SLFN5: variants seen among roughly 807,000 people sequenced by gnomAD.
SLFN5 encodes the protein schlafen family member 5.
SLFN5 carries 34 observed loss-of-function variants against 48.5 expected under a neutral mutation model. That is an observed-to-expected ratio of 0.70 (90% CI 0.53 to 0.93). The LOEUF (loss-of-function observed/expected upper bound fraction) is 0.93. SLFN5 is among the 40% of genes least tolerant of loss of function. The pLI, the probability that SLFN5 is intolerant of heterozygous loss-of-function variation, is 0.00. For synonymous variants in SLFN5, 387 were observed against 396.2 expected, an observed-to-expected ratio of 0.98 and a Z score of 0.28; for missense variants, 1,006 against 1,071.3, an observed-to-expected ratio of 0.94 and a Z score of 0.85.
Position 35,265,436 on chromosome 17 carries a change from C to G in SLFN5, c.2224C>G (p.Leu742Val). The change falls in exon 5 of 5, where the codon CTG becomes GTG. Residue 742 changes from leucine to valine, a missense_variant. By Grantham distance (32) the Leu-to-Val change is conservative. Transcript: ENST00000299977. ...TCCACCTAACCTCCCCCCTGGGTCC[C>G]TGGTGATGCTCTATGAACCTAAATG... ...NPPPNLPPGS[L>V]VMLYEPKWAQ... The G allele has an allele frequency of 3.1e-6, 5 of 1,614,224 alleles. No homozygotes were observed. The highest frequency in any genetic ancestry group is 4.2e-6 in the Non-Finnish European group (5 of 1,180,042).
chr17:35,253,690 GTTTT>G (rs57606643), intron 1 of SLFN5, among the ~76,000 whole-genome samples: 1,021 of 76,034 alleles, frequency 0.013, 21 homozygotes, highest in African/African-American at 0.06. Context: ...ATAGCTAACA[GTTTT>G]TTTTTTTTTT....
At chr17:35,257,353 C>T (rs968264635) in intron 1 of SLFN5, among the ~76,000 whole-genome samples, 2 of 152,140 alleles carry the variant, frequency 1.3e-5, no homozygotes, top group Non-Finnish European at 2.9e-5. Context: ...CCTGACATGT[C>T]GAAGACTAGG....
At chr17:35,253,941 G>A (rs572464449) in intron 1 of SLFN5, among the ~76,000 whole-genome samples, 4 of 151,126 alleles carry the variant, frequency 2.6e-5, no homozygotes, top group East Asian at 2.0e-4. Context: ...CAGGTGATCC[G>A]CCCACCTTGT....
chr17:35,260,070 A>G (rs1167464385), intron 2 of SLFN5, among the ~76,000 whole-genome samples: 6 of 152,134 alleles, frequency 3.9e-5, no homozygotes, highest in Non-Finnish European at 8.8e-5. Flanking sequence ...TTTTTTTCAC[A>G]TGTACAGATG....
chr17:35,270,604 C>G lies in SLFN5; in HGVS notation c.*4716C>G, dbSNP rs1167981693. The G allele has an allele frequency of 2.0e-5, 3 of 152,244 alleles. No individual in the cohort carries two copies. The highest frequency in any genetic ancestry group is 4.4e-5 in the Non-Finnish European group (3 of 68,084). 9.4% of individuals were successfully genotyped at this position (152,244 alleles called of 1,614,324 possible). The stretch of plus-strand genomic sequence containing the variant: ...CCAAATTCATTTTGCCCCCAGTTGG[C>G]CAGACCAAAGCCTAGAACTAAAAAA... On this transcript the variant is annotated 3_prime_UTR_variant, in exon 5 of 5. Transcript: ENST00000299977.
rs1374216481 is a variant in SLFN5, at chr17:35,269,906, T to A, written c.*4018T>A. ...GGGAAGTCTGAGTGCTAATATGGATTTCAAAACAACTTTAAAAATGGCTTC... is the reference window on the plus strand; with the variant it reads ...GGGAAGTCTGAGTGCTAATATGGATATCAAAACAACTTTAAAAATGGCTTC... On this transcript the variant is annotated 3_prime_UTR_variant, in exon 5 of 5. Coordinates refer to ENST00000299977, the MANE Select transcript of SLFN5 (RefSeq NM_144975.4). 1.3e-5 allele frequency: 2 copies of A among 152,202 alleles called. No individual in the cohort carries two copies. Among genetic ancestry groups the A allele is most frequent in the Admixed American group, 6.5e-5 (1 of 15,280 alleles). 9.4% of individuals were successfully genotyped at this position (152,202 alleles called of 1,614,324 possible).
chr17:35,250,742 C>T (rs1205179213), intron 1 of SLFN5, among the ~76,000 whole-genome samples: 1 of 152,016 alleles, frequency 6.6e-6, no homozygotes, highest in South Asian at 2.1e-4. Flanking sequence ...AAATGATCTC[C>T]TACTTTGTTC....
At position 35,268,533 on chromosome 17, in the gene SLFN5, G is replaced by C. The variant is rs749105872; in HGVS notation, c.*2645G>C. ...GGAGTTCAAGTCCAGCCTGGCCAAC[G>C]TGGTGAAATCCTGTCTCTACTAAAA... On this transcript the variant is annotated 3_prime_UTR_variant, in exon 5 of 5. Coordinates refer to ENST00000299977, the MANE Select transcript of SLFN5 (RefSeq NM_144975.4). 3 of 152,188 alleles carry C rather than the reference G, an allele frequency of 2.0e-5. No homozygotes were observed. The highest frequency in any genetic ancestry group is 4.4e-5 in the Non-Finnish European group (3 of 68,088). 9.4% of individuals were successfully genotyped at this position (152,188 alleles called of 1,614,324 possible). A position where few individuals can be genotyped will look rare whatever the true frequency, so the allele number is the denominator to read the frequency against.
chr17:35,263,783 A>G (rs752662964), intron 3 of SLFN5, among the ~76,000 whole-genome samples: 2 of 140,700 alleles, frequency 1.4e-5, no homozygotes, highest in Non-Finnish European at 3.0e-5. Context: ...AGATCGCACC[A>G]CTGGTGCGAC....
chr17:35,265,317 A>G lies in SLFN5; in HGVS notation c.2105A>G (p.Gln702Arg). The G allele has an allele frequency of 6.2e-7, 1 of 1,614,212 alleles. No individual in the cohort carries two copies. Among genetic ancestry groups the G allele is most frequent in the South Asian group, 1.1e-5 (1 of 91,082 alleles). ...AGTGGCCTCCCCCCTCCCTCAGACC[A>G]GTATCCAAGAGAAGAGATCAACAGA... ...SCSGLPPPSD[Q>R]YPREEINRVV... The change falls in exon 5 of 5, where the codon CAG becomes CGG. Residue 702 changes from glutamine (Q) to arginine (R), a missense_variant. Physicochemically the swap from Gln to Arg is conservative, Grantham distance 43. Transcript: ENST00000299977.
chr17:35,263,756 G>A (rs1333086109), intron 3 of SLFN5, among the ~76,000 whole-genome samples: 3 of 135,692 alleles, frequency 2.2e-5, no homozygotes, highest in African/African-American at 8.5e-5. Flanking sequence ...CCAGGAGACA[G>A]AAGTTGCAGT....
Position 35,264,328 on chromosome 17 carries a change from T to C in SLFN5, c.1284T>C (p.Asp428=), listed in dbSNP as rs778877046. The C allele has an allele frequency of 6.2e-7, 1 of 1,614,112 alleles. No individual in the cohort carries two copies. The highest frequency in any genetic ancestry group is 1.7e-5 in the Admixed American group (1 of 60,012). Residue 428 remains aspartate (D), a synonymous_variant, in exon 4 of 5, where the codon GAT becomes GAC. Coordinates refer to ENST00000299977, the MANE Select transcript of SLFN5 (RefSeq NM_144975.4). ...ILIFSQSWAV[D]LGLQEKQGVI... is the part of the protein sequence containing the mutation. ...TTTTTTCTCAAAGCTGGGCTGTGGA[T>C]TTAGGTCTGCAAGAGAAGCAGGGAG...
At chr17:35,254,300 C>G (rs2092449859) in intron 1 of SLFN5, among the ~76,000 whole-genome samples, 2 of 152,140 alleles carry the variant, frequency 1.3e-5, no homozygotes, top group Admixed American at 1.3e-4. Context: ...GTCTTAGGCT[C>G]TGTCCACCGA....
intron 1 of SLFN5, among the ~76,000 whole-genome samples, chr17:35,255,260 C>T (rs1318164406): frequency 1.3e-5 from 2 of 152,168 alleles, no homozygotes; most frequent in Admixed American, 1.3e-4. Flanking sequence ...GAAGGAAATG[C>T]ATTAGAATGC....
At position 35,272,578 on chromosome 17, in the gene SLFN5, A is replaced by G. The variant is rs1904859025; in HGVS notation, c.*6690A>G. 6.6e-6 allele frequency: 1 copy of G among 152,256 alleles called. No individual in the cohort carries two copies. Among genetic ancestry groups the G allele is most frequent in the East Asian group, 1.9e-4 (1 of 5,206 alleles). The allele number at this position is 152,256 out of a possible 1,614,324, so 9.4% of individuals were successfully genotyped here. On this transcript the variant is annotated 3_prime_UTR_variant, in exon 5 of 5. Coordinates refer to ENST00000299977, the MANE Select transcript of SLFN5 (RefSeq NM_144975.4). ...AAATTATCTCTGTACCAAAAACAGCATAAAAGGTCAAGAAACAACACACTG... is the reference window on the plus strand; with the variant it reads ...AAATTATCTCTGTACCAAAAACAGCGTAAAAGGTCAAGAAACAACACACTG...
chr17:35,264,976 A>G (rs958220308), intron 4 of SLFN5, 73 bp downstream of exon 4: 27 of 1,534,244 alleles, frequency 1.8e-5, no homozygotes, highest in African/African-American at 2.8e-5. Context: ...TTTACTTGCT[A>G]AAATTCATAT....
Position 35,259,458 on chromosome 17 carries a change from T to C in SLFN5, c.768T>C (p.Asp256=), listed in dbSNP as rs1431858605. 2 of 1,614,228 alleles carry C rather than the reference T, an allele frequency of 1.2e-6. No homozygotes were observed. The highest frequency in any genetic ancestry group is 1.7e-6 in the Non-Finnish European group (2 of 1,180,042). Residue 256 remains aspartate, a synonymous_variant, in exon 2 of 5, where the codon GAT becomes GAC. Transcript: ENST00000299977. ...TTACGAGCTTGAGGGCTTCTATTGA[T>C]GGCTGTATTAAGAAGCTACCTGTCC... is the stretch of plus-strand genomic sequence containing the variant. ...IDLTSLRASI[D]GCIKKLPVHH...
rs1207694570 is a variant in SLFN5 at position 35,260,491 on chromosome 17, G to A, written c.1013-480G>A. Among the ~76,000 whole-genome samples the A allele has an allele frequency of 3.9e-5, 6 of 152,022 alleles. No individual in the cohort carries two copies. In the South Asian group the frequency reaches 8.3e-4, roughly 21 times the overall value. ...TGTAACTCCAGCACTTTGGGAGGCC[G>A]AGGGGGGCAGATCACCTGAGGTCAG... On this transcript the variant is annotated intron_variant, in intron 2 of 4. Transcript: ENST00000299977.
chr17:35,259,032 C>T lies in SLFN5; in HGVS notation c.342C>T (p.Cys114=). 6.2e-7 allele frequency: 1 copy of T among 1,614,134 alleles called. No individual in the cohort carries two copies. The highest frequency in any genetic ancestry group is 8.5e-7 in the Non-Finnish European group (1 of 1,180,034). The change falls in exon 2 of 5, where the codon TGC becomes TGT. Residue 114 remains cysteine (C), a synonymous_variant. Transcript: ENST00000299977. ...CTGGTGTGCCACTTGCTACCTTATG[C>T]TCCAATTTGTACCACAGAGAGAGAA... The part of the protein sequence containing the change: ...TEAGVPLATL[C]SNLYHRERTS...
Sources: allele counts gnomAD v4.1 joint callset (sites outside exome capture counted in the v4.1 genomes callset), GRCh38; gene constraint gnomAD v4.1.1; transcripts MANE v1.5; gene names NCBI Gene and HGNC (gene_info 2026-07-23, HGNC 2026-07-21).